SORD: variants seen among roughly 807,000 people sequenced by gnomAD.
SORD encodes (R,R)-butanediol dehydrogenase.
Under a neutral mutation model 35.6 loss-of-function variants are expected in SORD, and 18 were observed. That is an observed-to-expected ratio of 0.51 (90% CI 0.35 to 0.75). The LOEUF (loss-of-function observed/expected upper bound fraction) is 0.75. Among genes scored for constraint, SORD ranks in the 30% least tolerant of loss-of-function variants. The pLI, the probability that SORD is intolerant of heterozygous loss-of-function variation, is 0.01. For synonymous variants in SORD, 106 were observed against 152.9 expected (o/e 0.69, Z 2.26); for missense variants, 250 against 390.2 (o/e 0.64, Z 3.03).
intron 1 of SORD, chr15:45,036,292 G>A (rs1309400289): frequency 1.5e-5 from 7 of 455,464 alleles, no homozygotes; most frequent in Non-Finnish European, 3.1e-5. Context: ...ATGTGATTAA[G>A]ATATGTATTT....
At chr15:45,037,781 T>A (rs142248155) in intron 1 of SORD, among the ~76,000 whole-genome samples, 3,076 of 149,460 alleles carry the variant, frequency 0.021, 70 homozygotes, top group South Asian at 0.11. Flanking sequence ...GAGGGGACCA[T>A]CACACACCAG....
chr15:45,035,464 T>G (rs270818), intron 1 of SORD, among the ~76,000 whole-genome samples: 1,770 of 151,472 alleles, frequency 0.012, 38 homozygotes, highest in African/African-American at 0.042. Context: ...CTAGCTAATC[T>G]GGGGGGGAGG....
At chr15:45,055,838 C>T (rs1181486781) in intron 3 of SORD, among the ~76,000 whole-genome samples, 22 of 152,094 alleles carry the variant, frequency 1.4e-4, no homozygotes, top group Admixed American at 8.5e-4. Flanking sequence ...GTTCAATATA[C>T]GCAAATCAAT....
At chr15:45,038,890 A>G (rs1341498516) in intron 1 of SORD, among the ~76,000 whole-genome samples, 1 of 152,118 alleles carries the variant, frequency 6.6e-6, no homozygotes, top group Non-Finnish European at 1.5e-5. Flanking sequence ...TGACATTCTC[A>G]TCACTTGTTT....
At chr15:45,062,369 C>G (rs534769007) in intron 4 of SORD, among the ~76,000 whole-genome samples, 122 of 152,330 alleles carry the variant, frequency 8.0e-4, no homozygotes, top group Middle Eastern at 6.8e-3. Flanking sequence ...TCCCTTTCTG[C>G]GTGGCCCCCC....
intron 1 of SORD, among the ~76,000 whole-genome samples, chr15:45,027,906 C>A (rs1566955891): frequency 6.6e-6 from 1 of 152,228 alleles, no homozygotes; most frequent in Non-Finnish European, 1.5e-5. Context: ...GCATTCCAGG[C>A]ATGTGCTGGG....
chr15:45,036,707 C>A (rs1892874163), intron 1 of SORD, among the ~76,000 whole-genome samples: 1 of 151,904 alleles, frequency 6.6e-6, no homozygotes, highest in African/African-American at 2.4e-5. Flanking sequence ...TCAGGGACTG[C>A]TGATGAGTTA....
At chr15:45,061,794 G>A (rs1399820193) in intron 4 of SORD, among the ~76,000 whole-genome samples, 5 of 152,030 alleles carry the variant, frequency 3.3e-5, no homozygotes, top group African/African-American at 7.2e-5. Flanking sequence ...GCTTGAACAC[G>A]GGAGGTGGAG....
intron 1 of SORD, among the ~76,000 whole-genome samples, chr15:45,035,359 C>T (rs920045589): frequency 6.6e-6 from 1 of 152,134 alleles, no homozygotes; most frequent in Non-Finnish European, 1.5e-5. Context: ...ATATACCAAT[C>T]GGCACTCGGT....
At chr15:45,042,782 GAT>G (rs1262896880) in intron 2 of SORD, among the ~76,000 whole-genome samples, 2 of 151,372 alleles carry the variant, frequency 1.3e-5, no homozygotes, top group Admixed American at 1.3e-4. Flanking sequence ...AAACCACTAA[GAT>G]ATATGTGTAT....
intron 1 of SORD, among the ~76,000 whole-genome samples, chr15:45,031,959 A>C: frequency 8.3e-6 from 1 of 120,796 alleles, no homozygotes; most frequent in Non-Finnish European, 1.8e-5. Flanking sequence ...TGTGGCATAT[A>C]GATATATAGT....
intron 5 of SORD, 22 bp downstream of exon 5, chr15:45,065,411 G>A (rs752390914): frequency 7.0e-6 from 11 of 1,581,466 alleles, no homozygotes; most frequent in Admixed American, 1.9e-5. Context: ...AAGCCACCCT[G>A]TTGCGGGTTC....
At chr15:45,049,535 A>G (rs1159931786) in intron 3 of SORD, among the ~76,000 whole-genome samples, 1 of 152,186 alleles carries the variant, frequency 6.6e-6, no homozygotes, top group East Asian at 1.9e-4. Context: ...AAAGCTGACA[A>G]TGTGCCCAGA....
chr15:45,026,593 C>T lies in SORD; in HGVS notation c.66+3244C>T, dbSNP rs184021837. Among the ~76,000 whole-genome samples the T allele has an allele frequency of 1.8e-4, 24 of 129,852 alleles. No individual in the cohort carries two copies. In the East Asian group the frequency reaches 4.8e-3, roughly 26 times the overall value. The allele number at this position is 129,852 out of a possible 152,430, so 85.2% of individuals were successfully genotyped here. On this transcript the variant is annotated intron_variant, in intron 1 of 8. Transcript: ENST00000267814. Reference sequence around the variant, plus strand: ...GGTCTACTGATAAAATGGTTCAGTGCCTCAGGAACTCCTATGAAGGGAGTT... The same window carrying T: ...GGTCTACTGATAAAATGGTTCAGTGTCTCAGGAACTCCTATGAAGGGAGTT...
chr15:45,060,878 G>C, intron 3 of SORD, 189 bp from the exon 4 acceptor site: 2 of 1,320,826 alleles, frequency 1.5e-6, no homozygotes, highest in Non-Finnish European at 2.0e-6. Context: ...GACACCCTGG[G>C]TCCCCAGGGA....
chr15:45,062,915 TA>T (rs1285595436), intron 4 of SORD, among the ~76,000 whole-genome samples: 1 of 146,406 alleles, frequency 6.8e-6, no homozygotes, highest in African/African-American at 2.7e-5. Flanking sequence ...GAGAAAAGCA[TA>T]TCAAGTCTCC....
intron 1 of SORD, 130 bp from the exon 2 acceptor site, chr15:45,040,278 G>A (rs1595498550): frequency 6.0e-6 from 4 of 662,656 alleles, no homozygotes; most frequent in East Asian, 5.5e-5. Context: ...GGAGCAGTGT[G>A]GTCTGAGCTT....
intron 1 of SORD, among the ~76,000 whole-genome samples, chr15:45,036,001 G>T (rs146539969): frequency 6.6e-6 from 1 of 151,716 alleles, no homozygotes; most frequent in Non-Finnish European, 1.5e-5. Context: ...CCTGAAGCCA[G>T]GGAGACCACG....
At chr15:45,068,269 T>G (rs1162829037) in intron 6 of SORD, 23 bp downstream of exon 6, 2 of 1,577,726 alleles carry the variant, frequency 1.3e-6, no homozygotes, top group East Asian at 2.2e-5. Flanking sequence ...TCTTTATCAA[T>G]CTCCTTGACT....
Sources: gnomAD v4.1 joint callset for allele counts (sites outside exome capture counted in the v4.1 genomes callset) on GRCh38, gnomAD v4.1.1 for gene constraint, MANE v1.5 for transcripts, NCBI Gene and HGNC (gene_info 2026-07-23, HGNC 2026-07-21) for gene names.